ARHGAP42: variants seen among roughly 807,000 people sequenced by gnomAD.
ARHGAP42 encodes rho GTPase-activating protein 42.
A neutral mutation model predicts 125.0 loss-of-function variants in ARHGAP42; 63 were observed. The observed-to-expected ratio is 0.50, with a 90% confidence interval of 0.41 to 0.62. The LOEUF is 0.62. ARHGAP42 is among the 20% of genes least tolerant of loss of function. The pLI is 0.00. For missense variants in ARHGAP42, 766 were observed against 1,024.2 expected (o/e 0.75, Z 3.44); for synonymous variants, 339 against 351.0 (o/e 0.97, Z 0.38).
At chr11:100,730,135 C>T (rs770814052) in intron 1 of ARHGAP42, among the ~76,000 whole-genome samples, 30 of 152,030 alleles carry the variant, frequency 2.0e-4, no homozygotes, top group African/African-American at 7.0e-4. Flanking sequence ...ACTAATTTGA[C>T]GAAATACACA....
At chr11:100,734,928 T>C (rs1356412945) in intron 1 of ARHGAP42, among the ~76,000 whole-genome samples, 2 of 150,580 alleles carry the variant, frequency 1.3e-5, no homozygotes, top group East Asian at 1.9e-4. Context: ...ATGTAGTTGG[T>C]TTACACTGAT....
At chr11:100,902,957 G>T (rs1036420912) in intron 4 of ARHGAP42, among the ~76,000 whole-genome samples, 2 of 152,124 alleles carry the variant, frequency 1.3e-5, no homozygotes, top group Non-Finnish European at 1.5e-5. Context: ...CGGCCCCGAG[G>T]TGTGTTGGTT....
chr11:100,947,448 T>C (rs1868057037), intron 10 of ARHGAP42, among the ~76,000 whole-genome samples: 1 of 151,950 alleles, frequency 6.6e-6, no homozygotes, highest in Non-Finnish European at 1.5e-5. Flanking sequence ...TTAAACTCTG[T>C]ACTTAGGTTT....
At chr11:100,706,421 A>G (rs950964693) in intron 1 of ARHGAP42, among the ~76,000 whole-genome samples, 1 of 152,184 alleles carries the variant, frequency 6.6e-6, no homozygotes, top group Non-Finnish European at 1.5e-5. Context: ...TAACCACTTC[A>G]TATTGGAACC....
chr11:100,943,998 C>A, intron 10 of ARHGAP42, 130 bp downstream of exon 10: 1 of 599,936 alleles, frequency 1.7e-6, no homozygotes, highest in Non-Finnish European at 2.8e-6. Flanking sequence ...ATGTTTATCT[C>A]TTTCTTTCAT....
chr11:100,987,857 C>T (rs537573914), intron 23 of ARHGAP42, among the ~76,000 whole-genome samples: 3 of 144,504 alleles, frequency 2.1e-5, no homozygotes, highest in African/African-American at 5.0e-5. Flanking sequence ...AGGCCAGGCG[C>T]GGTGACTCAT....
intron 13 of ARHGAP42, among the ~76,000 whole-genome samples, chr11:100,960,562 T>A (rs1464491761): frequency 6.6e-6 from 1 of 152,162 alleles, no homozygotes; most frequent in East Asian, 1.9e-4. Context: ...AAGATATAAA[T>A]GCCATAGGAC....
At chr11:100,784,999 T>C (rs1321414969) in intron 2 of ARHGAP42, among the ~76,000 whole-genome samples, 1 of 152,190 alleles carries the variant, frequency 6.6e-6, no homozygotes, top group African/African-American at 2.4e-5. Flanking sequence ...CCTCCTCCTT[T>C]CCACAGCCCA....
At chr11:100,691,301 AT>A (rs11290758) in intron 1 of ARHGAP42, among the ~76,000 whole-genome samples, 152,049 of 152,096 alleles carry the variant, frequency 1, 76,001 homozygotes, top group Middle Eastern at 1. Flanking sequence ...TTGCTTATTA[AT>A]TTTTTTTTCC....
intron 4 of ARHGAP42, among the ~76,000 whole-genome samples, chr11:100,861,855 CT>C (rs1865453018): frequency 6.6e-6 from 1 of 152,132 alleles, no homozygotes; most frequent in Admixed American, 6.6e-5. Flanking sequence ...GGAATTCTAT[CT>C]TCTAGGTGCT....
intron 3 of ARHGAP42, among the ~76,000 whole-genome samples, chr11:100,854,678 A>T (rs1268443612): frequency 1.3e-5 from 2 of 152,034 alleles, no homozygotes; most frequent in Non-Finnish European, 2.9e-5. Flanking sequence ...TGACCTAGAG[A>T]AGAATGTCTA....
intron 3 of ARHGAP42, among the ~76,000 whole-genome samples, chr11:100,817,180 G>T (rs900641448): frequency 1.3e-5 from 2 of 152,206 alleles, no homozygotes; most frequent in Admixed American, 6.5e-5. Context: ...TATTTCATGT[G>T]TTGTAGGATA....
chr11:100,696,510 C>G (rs964493350), intron 1 of ARHGAP42, among the ~76,000 whole-genome samples: 5 of 151,756 alleles, frequency 3.3e-5, no homozygotes, highest in African/African-American at 1.2e-4. Context: ...TGCACCACCA[C>G]GCCCAGATAA....
intron 2 of ARHGAP42, among the ~76,000 whole-genome samples, chr11:100,773,710 TTGAC>T (rs1863037892): frequency 6.6e-6 from 1 of 152,232 alleles, no homozygotes; most frequent in Admixed American, 6.5e-5. Flanking sequence ...AGTGGTTTGT[TTGAC>T]TCTTTCCACT....
At chr11:100,865,355 T>C (rs1865544950) in intron 4 of ARHGAP42, among the ~76,000 whole-genome samples, 4 of 152,156 alleles carry the variant, frequency 2.6e-5, no homozygotes, top group Admixed American at 2.6e-4. Context: ...TGTCTCAAAA[T>C]AAAAATGGCT....
At chr11:100,869,226 C>G (rs146058548) in intron 4 of ARHGAP42, among the ~76,000 whole-genome samples, 1 of 151,918 alleles carries the variant, frequency 6.6e-6, no homozygotes, top group Admixed American at 6.6e-5. Flanking sequence ...AGATATAGCA[C>G]TCTTATAAAG....
At chr11:100,935,034 G>C (rs1867694078) in intron 7 of ARHGAP42, among the ~76,000 whole-genome samples, 1 of 151,548 alleles carries the variant, frequency 6.6e-6, no homozygotes, top group African/African-American at 2.4e-5. Flanking sequence ...TAGGATTCAG[G>C]AACAGGAGAG....
intron 1 of ARHGAP42, among the ~76,000 whole-genome samples, chr11:100,751,386 G>A (rs537947861): frequency 1.3e-5 from 2 of 149,652 alleles, no homozygotes; most frequent in East Asian, 2.0e-4. Context: ...GGGTTCAAGC[G>A]ATTCTCCTGC....
At chr11:100,754,201 C>T (rs903292028) in intron 1 of ARHGAP42, among the ~76,000 whole-genome samples, 1 of 152,182 alleles carries the variant, frequency 6.6e-6, no homozygotes, top group Admixed American at 6.5e-5. Context: ...TGGTAAGATT[C>T]CCCTTAACTA....
Sources: gnomAD v4.1 joint callset for allele counts (sites outside exome capture counted in the v4.1 genomes callset) on GRCh38, gnomAD v4.1.1 for gene constraint, MANE v1.5 for transcripts, NCBI Gene and HGNC (gene_info 2026-07-23, HGNC 2026-07-21) for gene names.